Variants in CPQ observed in about 807,000 individuals in gnomAD.
The protein encoded by CPQ is carboxypeptidase Q.
CPQ carries 37 observed loss-of-function variants against 45.7 expected under a neutral mutation model. That is an observed-to-expected ratio of 0.81 (90% confidence interval 0.62 to 1.07). The LOEUF (loss-of-function observed/expected upper bound fraction) is 1.07. Among genes scored for constraint, CPQ ranks in the 50% least tolerant of loss-of-function variants. CPQ has a pLI of 0.00. For missense variants in CPQ, 537 were observed against 572.9 expected, an observed-to-expected ratio of 0.94 and a Z score of 0.64; for synonymous variants, 186 against 205.8, an observed-to-expected ratio of 0.90 and a Z score of 0.82.
intron 7 of CPQ, among the ~76,000 whole-genome samples, chr8:97,122,681 T>G (rs1001885984): frequency 2.0e-5 from 3 of 151,624 alleles, no homozygotes; most frequent in Non-Finnish European, 4.4e-5. Context: ...GGTCCGGAGT[T>G]TGAGAACAGG....
At chr8:96,712,304 A>G (rs1055436843) in intron 1 of CPQ, among the ~76,000 whole-genome samples, 1 of 152,126 alleles carries the variant, frequency 6.6e-6, no homozygotes, top group East Asian at 1.9e-4. Flanking sequence ...TGAATCTAGC[A>G]TTCTGGTATC....
At chr8:96,692,296 G>A (rs1451464778) in intron 1 of CPQ, among the ~76,000 whole-genome samples, 5 of 152,174 alleles carry the variant, frequency 3.3e-5, no homozygotes, top group Non-Finnish European at 7.3e-5. Context: ...TGTGAATAAA[G>A]TTGTGGTTCA....
intron 1 of CPQ, among the ~76,000 whole-genome samples, chr8:96,727,685 G>A (rs147497763): frequency 2.4e-4 from 36 of 152,150 alleles, no homozygotes; most frequent in African/African-American, 7.7e-4. Context: ...TAAACGATGG[G>A]TGACACATTC....
intron 6 of CPQ, among the ~76,000 whole-genome samples, chr8:97,035,899 G>A (rs745391759): frequency 1.3e-5 from 2 of 152,146 alleles, no homozygotes; most frequent in South Asian, 2.1e-4. Flanking sequence ...AGTAGAGACC[G>A]GGTTTCACCG....
At position 97,066,041 on chromosome 8, in the gene CPQ, G is replaced by A; in HGVS notation, c.1086G>A (p.Glu362=). Residue 362 remains glutamate (E), a synonymous_variant, in exon 7 of 8, where the codon GAG becomes GAA. Coordinates refer to ENST00000220763, the MANE Select transcript of CPQ (RefSeq NM_016134.4). ...TTTCCAACTACAGTCTGGTGATGGA[G>A]TCTGACGCAGGAACCTTCTTACCCA... ...VNISNYSLVM[E]SDAGTFLPTG... The A allele has an allele frequency of 1.2e-6, 2 of 1,611,446 alleles. No individual in the cohort carries two copies. The highest frequency in any genetic ancestry group is 1.1e-5 in the South Asian group (1 of 90,656).
intron 7 of CPQ, among the ~76,000 whole-genome samples, chr8:97,098,852 A>G (rs1023700252): frequency 6.6e-6 from 1 of 152,142 alleles, no homozygotes; most frequent in African/African-American, 2.4e-5. Context: ...AGAGACATGC[A>G]AATAGAATTC....
intron 1 of CPQ, among the ~76,000 whole-genome samples, chr8:96,784,406 G>GT (rs1479927673): frequency 6.6e-6 from 1 of 151,512 alleles, no homozygotes; most frequent in Non-Finnish European, 1.5e-5. Flanking sequence ...AGGTGGGGGG[G>GT]GGGTTGGTAA....
At chr8:96,860,011 T>C (rs936091013) in intron 3 of CPQ, among the ~76,000 whole-genome samples, 3 of 152,148 alleles carry the variant, frequency 2.0e-5, no homozygotes, top group Non-Finnish European at 4.4e-5. Flanking sequence ...AGGCTTCCCT[T>C]TAAATAAACC....
At chr8:97,121,582 ACACT>A (rs1309628957) in intron 7 of CPQ, among the ~76,000 whole-genome samples, 2 of 152,184 alleles carry the variant, frequency 1.3e-5, no homozygotes, top group African/African-American at 4.8e-5. Flanking sequence ...ATCTAGACAG[ACACT>A]CAACATGTAA....
chr8:96,692,431 G>A (rs1809316812), intron 1 of CPQ, among the ~76,000 whole-genome samples: 1 of 152,204 alleles, frequency 6.6e-6, no homozygotes, highest in African/African-American at 2.4e-5. Flanking sequence ...CCCAGTGTTG[G>A]TGACTGCAGG....
chr8:96,846,895 T>C (rs1811699678), intron 3 of CPQ, among the ~76,000 whole-genome samples: 1 of 152,214 alleles, frequency 6.6e-6, no homozygotes, highest in Non-Finnish European at 1.5e-5. Context: ...ATATCTAAAA[T>C]TGCTCCCTAG....
intron 6 of CPQ, among the ~76,000 whole-genome samples, chr8:97,043,242 G>A (rs1008360843): frequency 4.2e-4 from 64 of 151,988 alleles, no homozygotes; most frequent in African/African-American, 1.4e-3. Context: ...ATTATGTAAT[G>A]GCCTTCTTTG....
chr8:96,992,051 A>ACAC (rs1809102996), intron 5 of CPQ, among the ~76,000 whole-genome samples: 4 of 152,166 alleles, frequency 2.6e-5, no homozygotes, highest in Non-Finnish European at 5.9e-5. Flanking sequence ...TTGATTCTAT[A>ACAC]TCCCTTGATG....
intron 4 of CPQ, among the ~76,000 whole-genome samples, chr8:96,936,079 T>A (rs1813045160): frequency 6.6e-6 from 1 of 152,136 alleles, no homozygotes; most frequent in African/African-American, 2.4e-5. Flanking sequence ...TTTTGTGGCC[T>A]TTTTGTGTAG....
chr8:96,888,949 C>T (rs1350693578), intron 4 of CPQ, among the ~76,000 whole-genome samples: 1 of 152,168 alleles, frequency 6.6e-6, no homozygotes, highest in Non-Finnish European at 1.5e-5. Flanking sequence ...GGGCAGTATG[C>T]TCTGAGCATA....
intron 5 of CPQ, among the ~76,000 whole-genome samples, chr8:96,968,675 G>A (rs1355669266): frequency 3.9e-5 from 6 of 152,180 alleles, no homozygotes; most frequent in East Asian, 1.9e-4. Context: ...TCAGTGGAGC[G>A]TGTTAACTTG....
At chr8:97,127,650 C>T (rs9283935) in intron 7 of CPQ, among the ~76,000 whole-genome samples, 36,590 of 152,062 alleles carry the variant, frequency 0.24, 5,083 homozygotes, top group East Asian at 0.61. Context: ...GATTTCGCCA[C>T]TGCACTCCAG....
intron 7 of CPQ, among the ~76,000 whole-genome samples, chr8:97,087,406 G>T (rs1045499269): frequency 8.3e-6 from 1 of 120,064 alleles, no homozygotes; most frequent in African/African-American, 4.4e-5. Context: ...GTGCCGACTT[G>T]GGGGGTCAAG....
chr8:96,855,843 A>T (rs1055880043), intron 3 of CPQ, among the ~76,000 whole-genome samples: 3 of 152,196 alleles, frequency 2.0e-5, no homozygotes, highest in African/African-American at 7.2e-5. Flanking sequence ...CACTAGATAC[A>T]CCCGTTAGGG....
Sources: gnomAD v4.1 joint callset for allele counts (sites outside exome capture counted in the v4.1 genomes callset) on GRCh38, gnomAD v4.1.1 for gene constraint, MANE v1.5 for transcripts, NCBI Gene and HGNC (gene_info 2026-07-23, HGNC 2026-07-21) for gene names.